RIC1: variants seen among roughly 807,000 people sequenced by gnomAD.
RIC1 encodes the protein RIC1 partner of RAB6A GEF complex.
Under a neutral mutation model 169.0 loss-of-function variants are expected in RIC1, and 88 were observed. The observed-to-expected ratio is 0.52, with a 90% CI of 0.44 to 0.62. The LOEUF (loss-of-function observed/expected upper bound fraction) is 0.62. Among genes scored for constraint, RIC1 ranks in the 20% least tolerant of loss-of-function variants. The pLI is 0.00. For missense variants in RIC1, 1,877 were observed against 1,725.5 expected (o/e 1.09, Z -1.56); for synonymous variants, 790 against 601.5 (o/e 1.31, Z -4.59).
At chr9:5,764,595 C>G (rs1826572384) in intron 19 of RIC1, among the ~76,000 whole-genome samples, 1 of 152,202 alleles carries the variant, frequency 6.6e-6, no homozygotes, top group South Asian at 2.1e-4. Flanking sequence ...CTGCCTGAAG[C>G]AGATTTCCTG....
intron 4 of RIC1, among the ~76,000 whole-genome samples, chr9:5,718,139 CAA>C (rs35477806): frequency 7.1e-5 from 2 of 28,088 alleles, no homozygotes; most frequent in African/African-American, 1.2e-4. Flanking sequence ...GACTCCGTCT[CAA>C]AAAAAAAAAA....
intron 12 of RIC1, among the ~76,000 whole-genome samples, chr9:5,748,001 A>T (rs1825489750): frequency 6.6e-6 from 1 of 152,200 alleles, no homozygotes; most frequent in Admixed American, 6.5e-5. Flanking sequence ...TTTATTAGCT[A>T]ATCTTATTCC....
At chr9:5,757,026 A>G (rs532173518) in intron 16 of RIC1, among the ~76,000 whole-genome samples, 1 of 152,026 alleles carries the variant, frequency 6.6e-6, no homozygotes, top group Non-Finnish European at 1.5e-5. Context: ...TTCTTTCTCA[A>G]CCCACTAGTT....
chr9:5,731,686 T>A (rs150928553), intron 6 of RIC1, among the ~76,000 whole-genome samples: 1 of 152,198 alleles, frequency 6.6e-6, no homozygotes, highest in East Asian at 1.9e-4. Flanking sequence ...ATAGCATATA[T>A]GCTTACTAAT....
intron 1 of RIC1, among the ~76,000 whole-genome samples, chr9:5,647,058 A>G (rs571548576): frequency 8.4e-4 from 128 of 152,294 alleles, no homozygotes; most frequent in Middle Eastern, 3.4e-3. Context: ...TGTTTGTTGA[A>G]AAGACTTTCT....
chr9:5,747,256 AT>A, intron 11 of RIC1, 45 bp from the exon 12 acceptor site: 6 of 1,479,164 alleles, frequency 4.1e-6, no homozygotes, highest in Non-Finnish European at 5.6e-6. Flanking sequence ...AGTTGTTTTT[AT>A]TTGTTTTCCT....
chr9:5,629,581 C>G (rs1310835418), intron 1 of RIC1, 128 bp downstream of exon 1: 1 of 1,058,538 alleles, frequency 9.4e-7, no homozygotes, highest in Admixed American at 3.7e-5. Context: ...CTTCGCAGTC[C>G]GCGTCCTCGT....
rs191510859 is a variant in RIC1 at position 5,676,846 on chromosome 9, T to A, written c.253-13113T>A. Among the ~76,000 whole-genome samples, 6 of 152,370 alleles carry A rather than the reference T, an allele frequency of 3.9e-5. No individual in the cohort carries two copies. In the East Asian group the frequency reaches 9.6e-4, roughly 24 times the overall value. On this transcript the variant is annotated intron_variant, in intron 2 of 25. Coordinates refer to ENST00000414202, the MANE Select transcript of RIC1 (RefSeq NM_020829.4). ...AGTTTCTCTCAGCATATTTTGAGATTCATCCATTTTGTCGTGAATCAGTAA... is the reference window on the plus strand; with the variant it reads ...AGTTTCTCTCAGCATATTTTGAGATACATCCATTTTGTCGTGAATCAGTAA...
chr9:5,656,632 A>C lies in RIC1; in HGVS notation c.194A>C (p.Gln65Pro). 1 of 1,610,478 alleles carries C rather than the reference A, an allele frequency of 6.2e-7. No individual in the cohort carries two copies. Among genetic ancestry groups the C allele is most frequent in the Non-Finnish European group, 8.5e-7 (1 of 1,178,090 alleles). Reference sequence around the variant, plus strand: ...AAGGAGCCTGCAAAATCATCTACTCAGTTTGGATCCTACAAGCAAGCTGAA... The same window carrying C: ...AAGGAGCCTGCAAAATCATCTACTCCGTTTGGATCCTACAAGCAAGCTGAA... ...TYKEPAKSST[Q>P]FGSYKQAEWR... Residue 65 changes from glutamine to proline, a missense_variant, in exon 2 of 26, where the codon CAG (glutamine) becomes CCG (proline). Physicochemically the swap from Gln to Pro is moderately conservative, Grantham distance 76. Transcript: ENST00000414202.
At chr9:5,768,636 C>G (rs1418097580) in intron 21 of RIC1, among the ~76,000 whole-genome samples, 1 of 152,176 alleles carries the variant, frequency 6.6e-6, no homozygotes, top group Non-Finnish European at 1.5e-5. Flanking sequence ...TGCTCTCCTT[C>G]CCTCTTTTCA....
rs551773619 is a variant in RIC1 at position 5,681,105 on chromosome 9, C to T, written c.253-8854C>T. ...CCTCCCAAAGTGCTGGGATTACAGG[C>T]GTGAGCCACCGCGCCCGGCCGATTT... On this transcript the variant is annotated intron_variant, in intron 2 of 25. Transcript: ENST00000414202. Among the ~76,000 whole-genome samples the T allele has an allele frequency of 3.3e-5, 5 of 151,958 alleles. 1 individual carries two copies. Among genetic ancestry groups the T allele is most frequent in the Admixed American group, 1.3e-4 (2 of 15,252 alleles).
At position 5,656,673 on chromosome 9, in the gene RIC1, A is replaced by G. The variant is rs1819118257; in HGVS notation, c.235A>G (p.Thr79Ala). 2 of 1,598,176 alleles carry G rather than the reference A, an allele frequency of 1.3e-6. No individual in the cohort carries two copies. Among genetic ancestry groups the G allele is most frequent in the Non-Finnish European group, 1.7e-6 (2 of 1,168,068 alleles). Reference sequence around the variant, plus strand: ...GCAAGCTGAATGGAGGCCAGATAGTACCATGATAGCTGTATCAGTAAGTAG... The same window carrying G: ...GCAAGCTGAATGGAGGCCAGATAGTGCCATGATAGCTGTATCAGTAAGTAG... ...YKQAEWRPDS[T>A]MIAVSTANGY... The change falls in exon 2 of 26, where the codon ACC becomes GCC. Residue 79 changes from threonine to alanine, a missense_variant. Transcript: ENST00000414202.
chr9:5,690,132 A>C, intron 3 of RIC1, 94 bp downstream of exon 3: 1 of 746,236 alleles, frequency 1.3e-6, no homozygotes, highest in Non-Finnish European at 2.1e-6. Context: ...AGTGATTAGA[A>C]TAAAACTAAA....
chr9:5,699,181 T>A (rs1822072951), intron 3 of RIC1, among the ~76,000 whole-genome samples: 1 of 152,264 alleles, frequency 6.6e-6, no homozygotes, highest in Admixed American at 6.5e-5. Context: ...AATTGATCCC[T>A]GGCCAGGGCC....
chr9:5,775,379 C>T lies in RIC1; in HGVS notation c.*1133C>T, dbSNP rs926089356. 6.6e-6 allele frequency: 1 copy of T among 152,134 alleles called. No homozygotes were observed. The highest frequency in any genetic ancestry group is 1.5e-5 in the Non-Finnish European group (1 of 67,996). The allele number at this position is 152,134 out of a possible 1,614,324, so 9.4% of individuals were successfully genotyped here. Reference sequence around the variant, plus strand: ...TTTTCATACATTATGAAAACAACTGCATACTCCTTAATTGCTTTAAACACC... The same window carrying T: ...TTTTCATACATTATGAAAACAACTGTATACTCCTTAATTGCTTTAAACACC... On this transcript the variant is annotated 3_prime_UTR_variant, in exon 26 of 26. Transcript: ENST00000414202.
chr9:5,742,838 A>T, intron 8 of RIC1, 31 bp from the exon 9 acceptor site: 1 of 1,534,490 alleles, frequency 6.5e-7, no homozygotes. Flanking sequence ...GCAACTATTT[A>T]TTTTTAACTC....
intron 1 of RIC1, among the ~76,000 whole-genome samples, chr9:5,648,812 A>G (rs1818657915): frequency 6.6e-6 from 1 of 152,144 alleles, no homozygotes; most frequent in Admixed American, 6.5e-5. Context: ...ATGTCTTTTG[A>G]AAAAATGTTT....
At chr9:5,735,259 T>C (rs1824628722) in intron 7 of RIC1, among the ~76,000 whole-genome samples, 1 of 151,944 alleles carries the variant, frequency 6.6e-6, no homozygotes, top group Non-Finnish European at 1.5e-5. Flanking sequence ...ACCTGGAAGC[T>C]AGTTCTTGTT....
intron 1 of RIC1, among the ~76,000 whole-genome samples, chr9:5,640,911 T>C (rs1356249119): frequency 6.6e-6 from 1 of 152,170 alleles, no homozygotes; most frequent in Non-Finnish European, 1.5e-5. Context: ...GTCAGCACTT[T>C]CAACATATTG....
Sources: allele counts gnomAD v4.1 joint callset (sites outside exome capture counted in the v4.1 genomes callset), GRCh38; gene constraint gnomAD v4.1.1; transcripts MANE v1.5; gene names NCBI Gene and HGNC (gene_info 2026-07-23, HGNC 2026-07-21).